Variants in SLC2A5 observed in about 807,000 individuals in gnomAD.
SLC2A5 encodes the protein solute carrier family 2 member 5, also known as solute carrier family 2, facilitated glucose transporter member 5.
Under a neutral mutation model 50.3 loss-of-function variants are expected in SLC2A5, and 56 were observed. That is an observed-to-expected ratio of 1.11 (90% CI 0.90 to 1.39). The LOEUF is 1.39. SLC2A5 is among the 40% of genes most tolerant of loss of function. The pLI is 0.00. For missense variants in SLC2A5, 566 were observed against 650.1 expected (o/e 0.87, Z 1.41); for synonymous variants, 269 against 281.9 (o/e 0.95, Z 0.46).
At chr1:9,093,745 GT>G in the SLC2A5 span, among the ~76,000 whole-genome samples, 921 of 152,214 alleles carry the variant, frequency 6.1e-3, 5 homozygotes, top group African/African-American at 0.021. Context: ...AATCTCTCTT[GT>G]GGCAAGCTAA....
upstream of SLC2A5, among the ~76,000 whole-genome samples, chr1:9,090,213 T>C (rs114230357): frequency 1.3e-5 from 2 of 152,100 alleles, no homozygotes; most frequent in South Asian, 4.1e-4. Flanking sequence ...TATATTATTA[T>C]GTCAAGAACA....
intron 1 of SLC2A5, among the ~76,000 whole-genome samples, chr1:9,086,370 A>T: frequency 6.8e-6 from 1 of 146,686 alleles, no homozygotes; most frequent in African/African-American, 2.6e-5. Context: ...AGAGGCTGGG[A>T]TTTTCTTTTT....
chr1:9,067,607 G>C (rs1439497772), intron 1 of SLC2A5, among the ~76,000 whole-genome samples: 1 of 151,998 alleles, frequency 6.6e-6, no homozygotes, highest in Non-Finnish European at 1.5e-5. Flanking sequence ...CACTTGATTT[G>C]TCTAACACTT....
intron 1 of SLC2A5, chr1:9,088,346 C>T (rs1368232617): frequency 6.6e-6 from 1 of 152,398 alleles, no homozygotes; most frequent in Admixed American, 6.5e-5. Context: ...ACCAAACCCC[C>T]TCCCTCCTCC....
At chr1:9,056,100 G>C (rs916464606) in intron 3 of SLC2A5, among the ~76,000 whole-genome samples, 4 of 152,164 alleles carry the variant, frequency 2.6e-5, no homozygotes, top group Non-Finnish European at 2.9e-5. Context: ...GGGATGTTCT[G>C]CTCCATGAGG....
At chr1:9,048,321 C>T (rs1477038263) in intron 3 of SLC2A5, among the ~76,000 whole-genome samples, 1 of 152,004 alleles carries the variant, frequency 6.6e-6, no homozygotes, top group East Asian at 1.9e-4. Flanking sequence ...TCAGCCTGGC[C>T]AACATGGTAA....
At chr1:9,051,625 C>A (rs1347518335) in intron 3 of SLC2A5, among the ~76,000 whole-genome samples, 5 of 152,164 alleles carry the variant, frequency 3.3e-5, no homozygotes, top group African/African-American at 4.8e-5. Context: ...AAACCCAGAA[C>A]TCTGACAACA....
At position 9,040,250 on chromosome 1, in the gene SLC2A5, G is replaced by T; in HGVS notation, c.572-61C>A. 6.6e-7 allele frequency: 1 copy of T among 1,519,712 alleles called. No homozygotes were observed. The highest frequency in any genetic ancestry group is 1.2e-5 in the South Asian group (1 of 80,978). The allele number at this position is 1,519,712 out of a possible 1,614,324, so 94.1% of individuals were successfully genotyped here. On this transcript the variant is annotated intron_variant, in intron 5 of 11. Transcript: ENST00000377424. This position sits in a 1 kb window ranked among gnomAD's most constrained non-coding sequence, Gnocchi z 4.3. ...CCCCACCACCCCGAAGGCGCCCTCT[G>T]CAGAGCCGGCCCCAGCCCCGTCATC...
chr1:9,057,434 T>A lies in SLC2A5; in HGVS notation c.293+14A>T. 4 of 1,596,224 alleles carry A rather than the reference T, an allele frequency of 2.5e-6. No individual in the cohort carries two copies. Among genetic ancestry groups the A allele is most frequent in the Non-Finnish European group, 3.4e-6 (4 of 1,171,470 alleles). On this transcript the variant is annotated intron_variant, in intron 3 of 11. Transcript: ENST00000377424. ...CTATGAGTTTCAGGGAATTAAAAATTCACCTTCCCTTACCTGCCAAATTTA... is the reference window on the plus strand; with the variant it reads ...CTATGAGTTTCAGGGAATTAAAAATACACCTTCCCTTACCTGCCAAATTTA...
intron 4 of SLC2A5, among the ~76,000 whole-genome samples, chr1:9,042,482 G>A (rs1641328452): frequency 6.6e-6 from 1 of 151,400 alleles, no homozygotes; most frequent in Non-Finnish European, 1.5e-5. Context: ...ATGTCTGTGT[G>A]TGTATGGCCT....
chr1:9,093,071 C>G (rs1232560506), upstream of SLC2A5, among the ~76,000 whole-genome samples: 1 of 152,128 alleles, frequency 6.6e-6, no homozygotes, highest in East Asian at 1.9e-4. Flanking sequence ...CTCGTTTCCC[C>G]TCTTCTGCAT....
chr1:9,090,677 T>A (rs1352334947), upstream of SLC2A5, among the ~76,000 whole-genome samples: 1 of 152,162 alleles, frequency 6.6e-6, no homozygotes, highest in Non-Finnish European at 1.5e-5. Context: ...TCCCTCTACA[T>A]ACCTCCTCTC....
In SLC2A5 at chr1:9,059,165, C is replaced by T. The variant is rs1328742316; in HGVS notation, c.34-915G>A. ...TTTTTTTTTTTTTTTTTTTTTGACA[C>T]AGAGTCTTGCTCTGTCACCCAGGCT... On this transcript the variant is annotated intron_variant, in intron 1 of 11. Coordinates refer to ENST00000377424, the MANE Select transcript of SLC2A5 (RefSeq NM_003039.3). 2.3e-4 allele frequency among the ~76,000 whole-genome samples: 10 copies of T among 43,222 alleles called. 1 individual carries two copies. The South Asian group carries it at 6.8e-3, about 29-fold the overall frequency. The allele number at this position is 43,222 out of a possible 152,430, so 28.4% of individuals were successfully genotyped here. A position where few individuals can be genotyped will look rare whatever the true frequency, so the allele number is the denominator to read the frequency against.
intron 3 of SLC2A5, among the ~76,000 whole-genome samples, chr1:9,052,632 G>A (rs762821089): frequency 2.0e-5 from 3 of 152,154 alleles, no homozygotes; most frequent in Non-Finnish European, 2.9e-5. Context: ...TTGATAAAGG[G>A]GGAGACTATG....
intron 1 of SLC2A5, among the ~76,000 whole-genome samples, chr1:9,061,736 T>C (rs528224158): frequency 6.6e-6 from 1 of 152,302 alleles, no homozygotes; most frequent in African/African-American, 2.4e-5. Context: ...TTGAAGTCCT[T>C]TGGGGTCAGG....
intron 8 of SLC2A5, 22 bp from the exon 9 acceptor site, chr1:9,038,951 C>T: frequency 6.2e-7 from 1 of 1,606,262 alleles, no homozygotes; most frequent in Non-Finnish European, 8.5e-7. Context: ...TGGCAGGGCT[C>T]AGGCGGGAGA....
intron 5 of SLC2A5, chr1:9,041,512 G>A: frequency 7.4e-7 from 1 of 1,342,924 alleles, no homozygotes; most frequent in Non-Finnish European, 9.5e-7. Flanking sequence ...ATGGACAGCT[G>A]CTGAGCAGGC....
chr1:9,055,734 G>A (rs1641734281), intron 3 of SLC2A5, among the ~76,000 whole-genome samples: 1 of 151,870 alleles, frequency 6.6e-6, no homozygotes, highest in African/African-American at 2.4e-5. Context: ...TGGCCAATAT[G>A]GTGAAACCCT....
intron 1 of SLC2A5, among the ~76,000 whole-genome samples, chr1:9,060,288 TACAC>T (rs768766619): frequency 1.1e-5 from 1 of 87,520 alleles, no homozygotes; most frequent in Admixed American, 1.6e-4. Context: ...ACACAAACAC[TACAC>T]ACACACACGC....
Sources: allele counts gnomAD v4.1 joint callset (sites outside exome capture counted in the v4.1 genomes callset), GRCh38; gene constraint gnomAD v4.1.1; non-coding constraint Gnocchi (gnomAD v3.1); transcripts MANE v1.5; gene names NCBI Gene and HGNC (gene_info 2026-07-23, HGNC 2026-07-21).